Variants in MUC4 observed in about 807,000 individuals in gnomAD.
MUC4 encodes the protein mucin-4.
In MUC4, 202 loss-of-function variants were observed where a neutral mutation model predicts 257.9. The observed-to-expected ratio is 0.78, with a 90% confidence interval of 0.70 to 0.88. The LOEUF is 0.88. Ranked by LOEUF, MUC4 falls within the 40% of genes least tolerant of loss-of-function variation. The probability of loss-of-function intolerance (pLI) is 0.00; values close to 1 mark genes in which losing one functional copy is unlikely to be tolerated. For synonymous variants in MUC4, 2,351 were observed against 2,757.1 expected (o/e 0.85, Z 4.62); for missense variants, 5,976 against 6,513.7 (o/e 0.92, Z 2.84).
chr3:195,789,709 G>A lies in MUC4; in HGVS notation c.1871C>T (p.Thr624Ile), dbSNP rs986410278. 6.2e-7 allele frequency: 1 copy of A among 1,614,000 alleles called. No individual in the cohort carries two copies. Among genetic ancestry groups the A allele is most frequent in the Admixed American group, 1.7e-5 (1 of 60,034 alleles). The change falls in exon 2 of 25, where the codon ACA (threonine) becomes ATA (isoleucine). Residue 624 changes from threonine (T) to isoleucine (I), a missense_variant. Around this residue, in one of 44 missense-constraint regions of MUC4, gnomAD observed 1,583 missense variants for 1,257.4 expected, o/e 1.26. Transcript: ENST00000463781. ...TGGTGATTCCTGAGGAGAGGTGCTT[G>A]TGGAATGTATTGTTGAATGATTTGT... ...PSTNHSTIHS[T>I]STSPQESPAV... is the part of the protein sequence containing the mutation.
intron 5 of MUC4, chr3:195,770,591 C>G (rs971474054): frequency 8.4e-6 from 5 of 593,334 alleles, no homozygotes; most frequent in Non-Finnish European, 1.5e-5. Flanking sequence ...AGGGTCGTGG[C>G]CCAGACGTCC....
chr3:195,794,140 T>C (rs533151273), intron 1 of MUC4, among the ~76,000 whole-genome samples: 1 of 151,154 alleles, frequency 6.6e-6, no homozygotes, highest in African/African-American at 2.4e-5. Context: ...AGAAAAATAT[T>C]TCCCAGGCAG....
Position 195,795,415 on chromosome 3 carries a change from GA to G in MUC4, c.83-3919del, listed in dbSNP as rs577470162. 3.0e-3 allele frequency among the ~76,000 whole-genome samples: 458 copies of G among 152,202 alleles called. 1 individual carries two copies. Among genetic ancestry groups the G allele is most frequent in the Non-Finnish European group, 5.4e-3 (366 of 68,018 alleles). ...GGCACAGCTCCATTTCAGCAATATG[GA>G]AGAAGAGATAAGCCTCTAATAGCAA... On this transcript the variant is annotated intron_variant, in intron 1 of 24. Coordinates refer to ENST00000463781, the MANE Select transcript of MUC4 (RefSeq NM_018406.7).
At position 195,780,691 on chromosome 3, in the gene MUC4, G is replaced by T. The variant is rs141030934; in HGVS notation, c.10889C>A (p.Ala3630Asp). 6.6e-7 allele frequency: 1 copy of T among 1,521,468 alleles called. No individual in the cohort carries two copies. Among genetic ancestry groups the T allele is most frequent in the African/African-American group, 1.8e-5 (1 of 56,490 alleles). The allele number at this position is 1,521,468 out of a possible 1,614,324, so 94.2% of individuals were successfully genotyped here. ...AAGGCTGGTGACAGGAAGAGGGGTG[G>T]CCTGACCTGTGGATGCTGAGGAAGT... ...TDTSSASTGQ[A>D]TPLPVTSLSS... The change falls in exon 2 of 25, where the codon GCC becomes GAC. Residue 3630 changes from alanine to aspartate, a missense_variant. Physicochemically the swap from Ala to Asp is moderately radical, Grantham distance 126. This residue lies in a region of MUC4 where 59 missense variants were observed against 149.8 expected (regional missense o/e 0.39). Coordinates refer to ENST00000463781, the MANE Select transcript of MUC4 (RefSeq NM_018406.7).
At chr3:195,800,600 C>T (rs2688515) in intron 1 of MUC4, among the ~76,000 whole-genome samples, 76,043 of 152,012 alleles carry the variant, frequency 0.5, 19,786 homozygotes, top group East Asian at 0.75. Flanking sequence ...ATTGATTATT[C>T]AGCTGTTTAG....
At position 195,753,188 on chromosome 3, in the gene MUC4, A is replaced by C; in HGVS notation, c.15371T>G (p.Val5124Gly). The change falls in exon 20 of 25, where the codon GTG becomes GGG. Residue 5124 changes from valine to glycine, a missense_variant. Physicochemically the swap from Val to Gly is moderately radical, Grantham distance 109 (BLOSUM62 -3). Around this residue, in one of 44 missense-constraint regions of MUC4, gnomAD observed 996 missense variants for 1,137.3 expected, o/e 0.88. Transcript: ENST00000463781. Reference sequence around the variant, plus strand: ...GTGGCCTTGATTGTAGCAGTAATTCACAGGGCAGGACTGGTTCTGACACAG... The same window carrying C: ...GTGGCCTTGATTGTAGCAGTAATTCCCAGGGCAGGACTGGTTCTGACACAG... Reference protein sequence around the residue: ...SFLCQNQSCPVNYCYNQGHCY... With the variant: ...SFLCQNQSCPGNYCYNQGHCY... 6.2e-7 allele frequency: 1 copy of C among 1,613,764 alleles called. No homozygotes were observed. Among genetic ancestry groups the C allele is most frequent in the Non-Finnish European group, 8.5e-7 (1 of 1,179,868 alleles).
At position 195,787,466 on chromosome 3, in the gene MUC4, C is replaced by T; in HGVS notation, c.4114G>A (p.Gly1372Ser). Residue 1372 changes from glycine to serine, a missense_variant, in exon 2 of 25, where the codon GGT becomes AGT. Physicochemically the swap from Gly to Ser is moderately conservative, Grantham distance 56. Transcript: ENST00000463781. ...GTGACAGGAAGAGGGGTGGCCTGAC[C>T]TGTGGATGCTGAGGAAGCATCAGTG... ...HVTDASSAST[G>S]QATPLPVTSL... The T allele has an allele frequency of 4.1e-6, 3 of 723,918 alleles. No individual in the cohort carries two copies. The highest frequency in any genetic ancestry group is 3.2e-5 in the East Asian group (1 of 31,230). 44.8% of individuals were successfully genotyped at this position (723,918 alleles called of 1,614,324 possible). A position where few individuals can be genotyped will look rare whatever the true frequency, so the allele number is the denominator to read the frequency against.
chr3:195,767,642 TCGCCACCACCACCAC>T (rs1721316604), intron 7 of MUC4, among the ~76,000 whole-genome samples: 2 of 31,418 alleles, frequency 6.4e-5, no homozygotes, highest in African/African-American at 3.2e-4. Context: ...ACCACCACCA[TCGCCACCACCACCAC>T]CACCACCATC....
chr3:195,749,206 A>G, intron 23 of MUC4, 142 bp from the exon 24 acceptor site: 4 of 1,044,772 alleles, frequency 3.8e-6, no homozygotes, highest in Non-Finnish European at 4.1e-6. Context: ...CTGGACGTTC[A>G]GATCAGCATG....
chr3:195,755,271 C>A lies in MUC4; in HGVS notation c.15169-899G>T, dbSNP rs1300798433. ...AGTGCAGTGTCTCGATCTCGGCTCA[C>A]TGCAATGTCCCCCTCCCAAGTTAAA... On this transcript the variant is annotated intron_variant, in intron 18 of 24. Transcript: ENST00000463781. The surrounding 1 kb of genome is among the most constrained non-coding windows in gnomAD (Gnocchi z 5.0). Among the ~76,000 whole-genome samples, 1 of 151,988 alleles carries A rather than the reference C, an allele frequency of 6.6e-6. No individual in the cohort carries two copies. The highest frequency in any genetic ancestry group is 2.4e-5 in the African/African-American group (1 of 41,342).
In MUC4 at chr3:195,787,261, G is replaced by A; in HGVS notation, c.4319C>T (p.Ser1440Phe). Residue 1440 changes from serine to phenylalanine, a missense_variant, in exon 2 of 25, where the codon TCT becomes TTT. Transcript: ENST00000463781. Reference protein sequence around the residue: ...ASSVSTDHATSLPVTIPSAAS... With the variant: ...ASSVSTDHATFLPVTIPSAAS... ...TGCGGAAGGGATGGTTACAGGAAGA[G>A]AGGTGGCGTGATCTGTGGACACTGA... The A allele has an allele frequency of 3.3e-6, 1 of 299,134 alleles. No individual in the cohort carries two copies. Among genetic ancestry groups the A allele is most frequent in the Non-Finnish European group, 5.4e-6 (1 of 185,016 alleles). The allele number at this position is 299,134 out of a possible 1,614,324, so 18.5% of individuals were successfully genotyped here. A position where few individuals can be genotyped will look rare whatever the true frequency, so the allele number is the denominator to read the frequency against.
chr3:195,781,694 G>C lies in MUC4; in HGVS notation c.9886C>G (p.Pro3296Ala), dbSNP rs1489184606. 1 of 1,372,678 alleles carries C rather than the reference G, an allele frequency of 7.3e-7. No individual in the cohort carries two copies. The allele number at this position is 1,372,678 out of a possible 1,614,324, so 85.0% of individuals were successfully genotyped here. Reference protein sequence around the residue: ...TSSSSTGDTTPLLVTETSSVS... With the variant: ...TSSSSTGDTTALLVTETSSVS... ...GAGGAAGTCTCGGTGACAAGAAGAG[G>C]GGTGGTGTCACCTGTGGATGATGAG... The change falls in exon 2 of 25, where the codon CCT becomes GCT. Residue 3296 changes from proline (P) to alanine (A), a missense_variant. Physicochemically the swap from Pro to Ala is conservative, Grantham distance 27 (BLOSUM62 -1). Coordinates refer to ENST00000463781, the MANE Select transcript of MUC4 (RefSeq NM_018406.7).
At position 195,788,893 on chromosome 3, in the gene MUC4, G is replaced by A. The variant is rs905642291; in HGVS notation, c.2687C>T (p.Ala896Val). 1.9e-6 allele frequency: 3 copies of A among 1,613,630 alleles called. No homozygotes were observed. Among genetic ancestry groups the A allele is most frequent in the African/African-American group, 1.3e-5 (1 of 74,882 alleles). Reference sequence around the variant, plus strand: ...AATGGCGGCTGTCTCCTGAGGAGAGGCACTGGGAGAAGTTGGGCTTGACTG... The same window carrying A: ...AATGGCGGCTGTCTCCTGAGGAGAGACACTGGGAGAAGTTGGGCTTGACTG... The part of the protein sequence containing the change: ...TGQSSPTSPS[A>V]SPQETAAISR... The change falls in exon 2 of 25, where the codon GCC (alanine) becomes GTC (valine). Residue 896 changes from alanine to valine, a missense_variant. Transcript: ENST00000463781.
Position 195,755,174 on chromosome 3 carries a change from G to A in MUC4, c.15169-802C>T, listed in dbSNP as rs907970556. Among the ~76,000 whole-genome samples, 3 of 151,434 alleles carry A rather than the reference G, an allele frequency of 2.0e-5. No homozygotes were observed. Among genetic ancestry groups the A allele is most frequent in the Admixed American group, 2.0e-4 (3 of 15,212 alleles). On this transcript the variant is annotated intron_variant, in intron 18 of 24. Transcript: ENST00000463781. This position sits in a 1 kb window ranked among gnomAD's most constrained non-coding sequence, Gnocchi z 5.0. ...TGGGGCTACAGGCATGCACCACCAC[G>A]CCCACTAATTTTTGTATTTTTCTTC...
chr3:195,758,675 G>A (rs1718160951), intron 17 of MUC4, among the ~76,000 whole-genome samples: 1 of 148,902 alleles, frequency 6.7e-6, no homozygotes, highest in African/African-American at 2.5e-5. Context: ...CGATTCTCCT[G>A]CCTCAGTCTC....
At chr3:195,763,833 C>G (rs1322123489) in intron 11 of MUC4, among the ~76,000 whole-genome samples, 192 bp from the exon 12 acceptor site, 2 of 152,194 alleles carry the variant, frequency 1.3e-5, no homozygotes, top group African/African-American at 2.4e-5. Flanking sequence ...TCCCCTCAAG[C>G]CTCCTTGCAT....
rs1560283567 is a variant in MUC4 at position 195,775,428 on chromosome 3, TACCTTCCACACC to T, written c.12944-1135_12944-1124del. 1.3e-3 allele frequency among the ~76,000 whole-genome samples: 152 copies of T among 115,938 alleles called. 1 individual carries two copies. The highest frequency in any genetic ancestry group is 2.0e-3 in the Non-Finnish European group (103 of 50,874). The allele number at this position is 115,938 out of a possible 152,430, so 76.1% of individuals were successfully genotyped here. A position where few individuals can be genotyped will look rare whatever the true frequency, so the allele number is the denominator to read the frequency against. On this transcript the variant is annotated intron_variant, in intron 3 of 24. Coordinates refer to ENST00000463781, the MANE Select transcript of MUC4 (RefSeq NM_018406.7). ...TCCACACCCATACCTTCCACACCCA[TACCTTCCACACC>T]CATACCTTCCACACCCATACCTTCC...
chr3:195,807,324 C>T (rs370913470), intron 1 of MUC4, among the ~76,000 whole-genome samples: 1 of 152,102 alleles, frequency 6.6e-6, no homozygotes, highest in Non-Finnish European at 1.5e-5. Flanking sequence ...CAAACATTAG[C>T]CGCTGTGGTG....
In MUC4 at chr3:195,766,755, C is replaced by T. The variant is rs1486092780; in HGVS notation, c.13530-4G>A. ...GTTTTCGAAATAGCCATCTCCACTG[C>T]AGGAAAGGAGAGACTCTCAGGCCTC... On this transcript the variant is annotated splice_region_variant and splice_polypyrimidine_tract_variant and intron_variant, in intron 7 of 24. Transcript: ENST00000463781. 1 of 1,613,868 alleles carries T rather than the reference C, an allele frequency of 6.2e-7. No individual in the cohort carries two copies. The highest frequency in any genetic ancestry group is 2.2e-5 in the East Asian group (1 of 44,886).
Sources: allele counts gnomAD v4.1 joint callset (sites outside exome capture counted in the v4.1 genomes callset), GRCh38; gene constraint gnomAD v4.1.1; regional missense constraint gnomAD v4.1.1; non-coding constraint Gnocchi (gnomAD v3.1); transcripts MANE v1.5; gene names NCBI Gene and HGNC (gene_info 2026-07-23, HGNC 2026-07-21).